GPHN: variants seen among roughly 807,000 people sequenced by gnomAD.
GPHN encodes the protein gephyrin.
A neutral mutation model predicts 95.5 loss-of-function variants in GPHN; 17 were observed. That is an observed-to-expected ratio of 0.18 (90% CI 0.12 to 0.27). The LOEUF is 0.27. Among genes scored for constraint, GPHN ranks in the 10% least tolerant of loss-of-function variants. The pLI is 1.00. For missense variants in GPHN, 660 were observed against 978.1 expected, an observed-to-expected ratio of 0.67 and a Z score of 4.34; for synonymous variants, 320 against 322.5, an observed-to-expected ratio of 0.99 and a Z score of 0.08.
chr14:67,716,196 CAA>C, the GPHN span, among the ~76,000 whole-genome samples: 6 of 108,682 alleles, frequency 5.5e-5, no homozygotes, highest in Admixed American at 9.3e-5. Context: ...GACTCCGTCT[CAA>C]AAAAAAAAAA....
chr14:66,932,940 G>A (rs540726212), intron 8 of GPHN, among the ~76,000 whole-genome samples: 3 of 152,034 alleles, frequency 2.0e-5, no homozygotes, highest in African/African-American at 7.2e-5. Context: ...TAATTATTAG[G>A]GTTTAATTCT....
At chr14:67,526,930 CACA>C in the GPHN span, among the ~76,000 whole-genome samples, 1 of 152,176 alleles carries the variant, frequency 6.6e-6, no homozygotes, top group Non-Finnish European at 1.5e-5. Flanking sequence ...AAACCCTGAG[CACA>C]ACAAGGAGAA....
intron 2 of GPHN, among the ~76,000 whole-genome samples, chr14:66,745,360 A>G (rs2058099303): frequency 6.6e-6 from 1 of 152,064 alleles, no homozygotes; most frequent in Non-Finnish European, 1.5e-5. Flanking sequence ...TGAATACTTC[A>G]GCATGTTTCC....
At chr14:66,757,579 AG>A (rs955120921) in intron 2 of GPHN, among the ~76,000 whole-genome samples, 53 of 152,210 alleles carry the variant, frequency 3.5e-4, no homozygotes, top group African/African-American at 1.1e-3. Flanking sequence ...TAGTAGAGAC[AG>A]GGTTTCACCA....
chr14:66,821,053 C>T (rs1017139149), intron 3 of GPHN, among the ~76,000 whole-genome samples: 2 of 152,142 alleles, frequency 1.3e-5, no homozygotes, highest in African/African-American at 4.8e-5. Context: ...TCATAAGTTG[C>T]TTTCATGAAA....
the GPHN span, among the ~76,000 whole-genome samples, chr14:67,479,059 C>A: frequency 2.6e-3 from 394 of 152,170 alleles, 5 homozygotes; most frequent in East Asian, 0.036. Context: ...TTTCTGCATA[C>A]TTTTTTTTCC....
chr14:66,931,818 T>C (rs903722121), intron 8 of GPHN, among the ~76,000 whole-genome samples: 10 of 152,356 alleles, frequency 6.6e-5, no homozygotes, highest in African/African-American at 2.4e-4. Context: ...TTTCTAATTC[T>C]CTGTCTAAAA....
At chr14:67,437,539 A>C in the GPHN span, among the ~76,000 whole-genome samples, 462 of 152,268 alleles carry the variant, frequency 3.0e-3, 1 homozygote, top group African/African-American at 0.011. Context: ...TCCAAACCTC[A>C]CGGCGGCTGT....
chr14:67,350,702 T>C, the GPHN span: 9 of 1,611,686 alleles, frequency 5.6e-6, no homozygotes, highest in Non-Finnish European at 6.8e-6. Flanking sequence ...TGGAAAAGCA[T>C]AAACCAACAG....
intron 1 of GPHN, among the ~76,000 whole-genome samples, chr14:66,597,953 C>T (rs2062055192): frequency 6.6e-6 from 1 of 152,134 alleles, no homozygotes; most frequent in Non-Finnish European, 1.5e-5. Context: ...TCACCCTTAA[C>T]AAAAGAAGGA....
chr14:66,809,099 T>C (rs2060660793), intron 3 of GPHN, among the ~76,000 whole-genome samples: 1 of 152,172 alleles, frequency 6.6e-6, no homozygotes, highest in African/African-American at 2.4e-5. Context: ...TTTCTAAAGA[T>C]TTTGAAGCAA....
At chr14:67,211,755 G>A in the GPHN span, among the ~76,000 whole-genome samples, 1 of 152,124 alleles carries the variant, frequency 6.6e-6, no homozygotes, top group African/African-American at 2.4e-5. Context: ...AAAAGTGGGA[G>A]GGTCACTTGA....
In GPHN at chr14:66,714,476, G is replaced by T. The variant is rs574852093; in HGVS notation, c.143+33291G>T. Among the ~76,000 whole-genome samples the T allele has an allele frequency of 4.6e-5, 7 of 152,218 alleles. No homozygotes were observed. In the South Asian group the frequency reaches 1.5e-3, roughly 32 times the overall value. On this transcript the variant is annotated intron_variant, in intron 2 of 22. Transcript: ENST00000478722. ...TTTTGACTTCCTCTTCAACTATTTG[G>T]ATTCCGTTTTTTACTTTCTCTTGTC...
chr14:67,708,486 T>C, the GPHN span, among the ~76,000 whole-genome samples: 2 of 152,042 alleles, frequency 1.3e-5, no homozygotes, highest in Non-Finnish European at 2.9e-5. Context: ...AAGACAACAA[T>C]TGTCTGTGGA....
chr14:67,343,021 T>G, the GPHN span, among the ~76,000 whole-genome samples: 2 of 152,178 alleles, frequency 1.3e-5, no homozygotes, highest in Non-Finnish European at 2.9e-5. Flanking sequence ...ACTCAAAAAG[T>G]TGCATCACTC....
chr14:67,259,068 C>T, the GPHN span, among the ~76,000 whole-genome samples: 4 of 151,700 alleles, frequency 2.6e-5, no homozygotes, highest in South Asian at 8.3e-4. Flanking sequence ...GTCTCGAACT[C>T]GTGGCCTCAA....
At chr14:67,434,571 A>T in the GPHN span, among the ~76,000 whole-genome samples, 24 of 152,270 alleles carry the variant, frequency 1.6e-4, no homozygotes, top group South Asian at 4.6e-3. Flanking sequence ...ATGAAACCAC[A>T]CTAAAGTTCG....
chr14:67,387,455 C>T, the GPHN span: 4 of 1,602,242 alleles, frequency 2.5e-6, no homozygotes, highest in Admixed American at 1.7e-5. Context: ...TCCCTTTAAC[C>T]CCTAGGCAGA....
At position 66,912,680 on chromosome 14, in the gene GPHN, C is replaced by T. The variant is rs139862002; in HGVS notation, c.390-3323C>T. On this transcript the variant is annotated intron_variant, in intron 5 of 22. Coordinates refer to ENST00000478722, the MANE Select transcript of GPHN (RefSeq NM_020806.5). ...AATAGCAGAATCCATGTATCATCTC[C>T]AATGCCTTAAGAATACATTCTAGCT... 1.8e-4 allele frequency among the ~76,000 whole-genome samples: 28 copies of T among 152,180 alleles called. No individual in the cohort carries two copies. The East Asian group carries it at 4.1e-3, about 22-fold the overall frequency.
Sources: allele counts gnomAD v4.1 joint callset (sites outside exome capture counted in the v4.1 genomes callset), GRCh38; gene constraint gnomAD v4.1.1; transcripts MANE v1.5; gene names NCBI Gene and HGNC (gene_info 2026-07-23, HGNC 2026-07-21).